The following SRC variants were observed in gnomAD, a reference collection of about 807,000 sequenced individuals.
SRC encodes the protein proto-oncogene tyrosine-protein kinase Src.
In SRC, 13 loss-of-function variants were observed where a neutral mutation model predicts 62.9. That is an observed-to-expected ratio of 0.21 (90% CI 0.13 to 0.33). The LOEUF is 0.33. SRC is among the 10% of genes least tolerant of loss of function. SRC has a pLI of 1.00. For missense variants in SRC, 457 were observed against 737.3 expected, an observed-to-expected ratio of 0.62 and a Z score of 4.40; for synonymous variants, 302 against 317.5, an observed-to-expected ratio of 0.95 and a Z score of 0.52.
At chr20:37,349,187 C>T (rs1003760657) in intron 1 of SRC, among the ~76,000 whole-genome samples, 1 of 152,152 alleles carries the variant, frequency 6.6e-6, no homozygotes, top group Non-Finnish European at 1.5e-5. Flanking sequence ...GATCTGTAGG[C>T]TGGACTCCAA....
Position 37,386,186 on chromosome 20 carries a change from C to T in SRC, c.350+12C>T. 1 of 1,613,168 alleles carries T rather than the reference C, an allele frequency of 6.2e-7. No individual in the cohort carries two copies. The highest frequency in any genetic ancestry group is 1.3e-5 in the African/African-American group (1 of 75,026). Reference sequence around the variant, plus strand: ...ATTGTCAACAACACGTGAGTGCCCCCTTCCCTATTGCCCCTCAGGGCTGGG... The same window carrying T: ...ATTGTCAACAACACGTGAGTGCCCCTTTCCCTATTGCCCCTCAGGGCTGGG... On this transcript the variant is annotated intron_variant, in intron 5 of 13. Transcript: ENST00000373578.
intron 1 of SRC, among the ~76,000 whole-genome samples, chr20:37,355,156 T>C (rs947018103): frequency 6.6e-6 from 1 of 152,004 alleles, no homozygotes; most frequent in Non-Finnish European, 1.5e-5. Flanking sequence ...CCAACTGTGG[T>C]GATTTTGGGT....
chr20:37,360,294 G>T (rs2069950167), intron 1 of SRC, among the ~76,000 whole-genome samples: 3 of 136,634 alleles, frequency 2.2e-5, no homozygotes, highest in Non-Finnish European at 4.5e-5. Context: ...TGCAATTACA[G>T]CTCACTGCAG....
At chr20:37,373,095 C>T (rs1568627838) in intron 2 of SRC, among the ~76,000 whole-genome samples, 1 of 142,452 alleles carries the variant, frequency 7.0e-6, no homozygotes, top group African/African-American at 3.0e-5. Context: ...TATATAAATA[C>T]ATATACACAT....
intron 2 of SRC, among the ~76,000 whole-genome samples, chr20:37,366,646 C>T (rs2070067035): frequency 6.6e-6 from 1 of 152,184 alleles, no homozygotes; most frequent in Non-Finnish European, 1.5e-5. Context: ...TCTTTTGTGG[C>T]TGGCTTCTTT....
At chr20:37,356,495 AG>A (rs1276670274) in intron 1 of SRC, among the ~76,000 whole-genome samples, 3 of 147,194 alleles carry the variant, frequency 2.0e-5, no homozygotes, top group Admixed American at 6.7e-5. Flanking sequence ...GGAAATGGCC[AG>A]GTCTGGGATG....
chr20:37,389,987 A>G (rs1236114526), intron 5 of SRC, among the ~76,000 whole-genome samples: 1 of 152,140 alleles, frequency 6.6e-6, no homozygotes. Context: ...TGGTGACCGC[A>G]GCCACCGGAG....
In SRC at chr20:37,394,289, C is replaced by G. The variant is rs2070602976; in HGVS notation, c.553+12C>G. On this transcript the variant is annotated intron_variant, in intron 7 of 13. Coordinates refer to ENST00000373578, the MANE Select transcript of SRC (RefSeq NM_198291.3). ...TGAGACCACGAAAGGTACGAGCGCT[C>G]TTGCTGGCCAACGGATACTGAGTCT... 6.2e-7 allele frequency: 1 copy of G among 1,610,556 alleles called. No individual in the cohort carries two copies. The highest frequency in any genetic ancestry group is 1.3e-5 in the African/African-American group (1 of 74,852).
In SRC at chr20:37,384,517, T is replaced by A; in HGVS notation, c.250+114T>A. On this transcript the variant is annotated intron_variant, in intron 4 of 13. Coordinates refer to ENST00000373578, the MANE Select transcript of SRC (RefSeq NM_198291.3). This position sits in a 1 kb window ranked among gnomAD's most constrained non-coding sequence, Gnocchi z 6.7. ...CGCAGGCCCTTCCTCTCGCCAGGGGTAGCGCCCCTGGGTGACTTGGGTGTC... is the reference window on the plus strand; with the variant it reads ...CGCAGGCCCTTCCTCTCGCCAGGGGAAGCGCCCCTGGGTGACTTGGGTGTC... 1 of 1,083,836 alleles carries A rather than the reference T, an allele frequency of 9.2e-7. No individual in the cohort carries two copies. The highest frequency in any genetic ancestry group is 1.2e-6 in the Non-Finnish European group (1 of 867,380). The allele number at this position is 1,083,836 out of a possible 1,614,324, so 67.1% of individuals were successfully genotyped here.
chr20:37,387,169 C>T lies in SRC; in HGVS notation c.350+995C>T, dbSNP rs180833154. On this transcript the variant is annotated intron_variant, in intron 5 of 13. Transcript: ENST00000373578. ...AGGAAGTTGGGGGTTTCCACTGCCCCGAGCGTGTCTGGCTTGCTCATGCCC... is the reference window on the plus strand; with the variant it reads ...AGGAAGTTGGGGGTTTCCACTGCCCTGAGCGTGTCTGGCTTGCTCATGCCC... Among the ~76,000 whole-genome samples the T allele has an allele frequency of 1.1e-3, 166 of 152,306 alleles. 1 individual carries two copies. Among genetic ancestry groups the T allele is most frequent in the African/African-American group, 3.7e-3 (152 of 41,574 alleles).
chr20:37,346,413 G>A (rs1420907974), intron 1 of SRC, among the ~76,000 whole-genome samples, 158 bp downstream of exon 1: 2 of 150,898 alleles, frequency 1.3e-5, no homozygotes, highest in African/African-American at 4.9e-5. Context: ...ATACCCAAGC[G>A]CCGGGCGGGC....
intron 5 of SRC, chr20:37,393,664 G>T (rs1403482236): frequency 1.5e-5 from 8 of 549,110 alleles, no homozygotes; most frequent in Non-Finnish European, 2.3e-5. Flanking sequence ...CCTGGTCCAA[G>T]ACAAAGTCCA....
At chr20:37,360,961 T>A (rs1279041475) in intron 1 of SRC, among the ~76,000 whole-genome samples, 1 of 152,146 alleles carries the variant, frequency 6.6e-6, no homozygotes, top group African/African-American at 2.4e-5. Flanking sequence ...TGAATCCTGG[T>A]AGTCTAGCTC....
rs80023903 is a variant in SRC at position 37,402,572 on chromosome 20, G to A, written c.1254G>A (p.Glu418=). The part of the protein sequence containing the change: ...FGLARLIEDN[E]YTARQGAKFP... ...TGGCTCGGCTCATTGAAGACAATGA[G>A]TACACGGCGCGGCAAGGTGGGCAGG... Residue 418 remains glutamate (E), a synonymous_variant, in exon 12 of 14, where the codon GAG becomes GAA. Transcript: ENST00000373578. This position sits in a 1 kb window ranked among gnomAD's most constrained non-coding sequence, Gnocchi z 6.2. 610 of 1,612,740 alleles carry A rather than the reference G, an allele frequency of 3.8e-4. 4 individuals carry two copies. The African/African-American group carries it at 7.4e-3, about 20-fold the overall frequency.
chr20:37,375,940 T>C (rs2070269743), intron 2 of SRC, among the ~76,000 whole-genome samples: 1 of 152,234 alleles, frequency 6.6e-6, no homozygotes, highest in Admixed American at 6.5e-5. Context: ...GACAGGGCTC[T>C]GGTTTCCTCC....
intron 1 of SRC, among the ~76,000 whole-genome samples, chr20:37,346,682 G>GATC (rs2069727843): frequency 6.6e-6 from 1 of 152,048 alleles, no homozygotes; most frequent in African/African-American, 2.4e-5. Flanking sequence ...GAGGTGGGGG[G>GATC]ATCGGCAGGG....
Position 37,402,465 on chromosome 20 carries a change from A to G in SRC, c.1147A>G (p.Met383Val). The G allele has an allele frequency of 6.2e-7, 1 of 1,613,730 alleles. No homozygotes were observed. Among genetic ancestry groups the G allele is most frequent in the Non-Finnish European group, 8.5e-7 (1 of 1,179,914 alleles). The stretch of plus-strand genomic sequence containing the variant: ...CTCAGGCATGGCGTACGTGGAGCGG[A>G]TGAACTACGTCCACCGGGACCTTCG... ...IASGMAYVER[M>V]NYVHRDLRAA... is the part of the protein sequence containing the mutation. Residue 383 changes from methionine (M) to valine (V), a missense_variant, in exon 12 of 14, where the codon ATG becomes GTG. Physicochemically the swap from Met to Val is conservative, Grantham distance 21. Coordinates refer to ENST00000373578, the MANE Select transcript of SRC (RefSeq NM_198291.3). The surrounding 1 kb of genome is among the most constrained non-coding windows in gnomAD (Gnocchi z 6.2).
chr20:37,353,079 C>T (rs576021516), intron 1 of SRC, among the ~76,000 whole-genome samples: 31 of 152,276 alleles, frequency 2.0e-4, no homozygotes, highest in African/African-American at 7.5e-4. Flanking sequence ...TGGTAATCAC[C>T]ATATTCCCAA....
At chr20:37,387,928 A>T (rs1012530007) in intron 5 of SRC, among the ~76,000 whole-genome samples, 1 of 152,230 alleles carries the variant, frequency 6.6e-6, no homozygotes, top group African/African-American at 2.4e-5. Context: ...ACAGATGAGG[A>T]AACTGAGGCC....
Sources: gnomAD v4.1 joint callset for allele counts (sites outside exome capture counted in the v4.1 genomes callset) on GRCh38, gnomAD v4.1.1 for gene constraint, Gnocchi (gnomAD v3.1) non-coding constraint, MANE v1.5 for transcripts, NCBI Gene and HGNC (gene_info 2026-07-23, HGNC 2026-07-21) for gene names.